The following KCTD14 variants were observed in gnomAD, a reference collection of about 807,000 sequenced individuals.
KCTD14 encodes the protein potassium channel tetramerization domain containing 14, also known as BTB/POZ domain-containing protein KCTD14.
KCTD14 carries 7 observed loss-of-function variants against 5.9 expected under a neutral mutation model. The ratio of observed to expected loss-of-function variants is 1.19; its 90% CI spans 0.68 to 2.23. The LOEUF (loss-of-function observed/expected upper bound fraction) is 2.23, where lower values mean the gene tolerates loss of function less well. KCTD14 is among the 30% of genes most tolerant of loss of function. The pLI, the probability that KCTD14 is intolerant of heterozygous loss-of-function variation, is 0.00. For synonymous variants in KCTD14, 140 were observed against 133.1 expected (o/e 1.05, Z -0.36); for missense variants, 342 against 332.2 (o/e 1.03, Z -0.23).
chr11:78,039,327 G>A (rs1220085145), intron 1 of KCTD14, among the ~76,000 whole-genome samples: 2 of 151,110 alleles, frequency 1.3e-5, no homozygotes, highest in African/African-American at 4.9e-5. Flanking sequence ...GACCAGCCTG[G>A]AAAATGTGGA....
upstream of KCTD14, among the ~76,000 whole-genome samples, chr11:78,024,665 G>A (rs1408054081): frequency 1.3e-5 from 2 of 151,840 alleles, no homozygotes; most frequent in Non-Finnish European, 2.9e-5. Context: ...ACGGAATAGG[G>A]TTGGACACGG....
rs9783329 is a variant in KCTD14 at position 78,038,809 on chromosome 11, G to A, written c.-95-51C>T. 4,693 of 1,532,516 alleles carry A rather than the reference G, an allele frequency of 3.1e-3. 124 individuals carry two copies. In the African/African-American group the frequency reaches 0.056, roughly 18 times the overall value. The allele number at this position is 1,532,516 out of a possible 1,614,324, so 94.9% of individuals were successfully genotyped here. The stretch of plus-strand genomic sequence containing the variant: ...AAGACTATCAGTGTTCACAAAGGAC[G>A]AGGACCAGGAGTTCAGAGGGCCCAG... On this transcript the variant is annotated intron_variant, in intron 1 of 2. Transcript: ENST00000533144.
chr11:78,016,676 A>C lies in KCTD14; in HGVS notation c.685T>G (p.Phe229Val), dbSNP rs1017659715. The change falls in exon 2 of 2, where the codon TTC becomes GTC. Residue 229 changes from phenylalanine to valine, a missense_variant. Phe to Val is a conservative substitution (Grantham distance 50). Transcript: ENST00000353172. Reference sequence around the variant, plus strand: ...GGGTACGTCAGGTAGAACTTGGAGAATACCTTGTACCCCTGGGCCTTAATG... The same window carrying C: ...GGGTACGTCAGGTAGAACTTGGAGACTACCTTGTACCCCTGGGCCTTAATG... ...MDIKAQGYKV[F>V]SKFYLTYPTK... 6.2e-7 allele frequency: 1 copy of C among 1,614,086 alleles called. No homozygotes were observed. Among genetic ancestry groups the C allele is most frequent in the Non-Finnish European group, 8.5e-7 (1 of 1,180,040 alleles).
upstream of KCTD14, among the ~76,000 whole-genome samples, chr11:78,025,574 T>C (rs1462965606): frequency 2.0e-5 from 3 of 152,198 alleles, no homozygotes; most frequent in African/African-American, 7.2e-5. Context: ...TTGCTTATGT[T>C]TGCAAATCCA....
At chr11:78,032,613 G>T (rs916367862) in intron 2 of KCTD14, among the ~76,000 whole-genome samples, 19 of 132,000 alleles carry the variant, frequency 1.4e-4, no homozygotes, top group Non-Finnish European at 2.4e-4. Flanking sequence ...TCCACACCCT[G>T]CCCTTCCAGG....
chr11:78,037,328 T>C (rs1219883249), intron 2 of KCTD14, among the ~76,000 whole-genome samples: 2 of 152,224 alleles, frequency 1.3e-5, no homozygotes, highest in African/African-American at 2.4e-5. Context: ...CCACCTATTC[T>C]GTGACCTCCA....
At chr11:78,034,524 GTTTC>G (rs150897863) in intron 2 of KCTD14, among the ~76,000 whole-genome samples, 3,532 of 151,862 alleles carry the variant, frequency 0.023, 121 homozygotes, top group African/African-American at 0.077. Context: ...CTGTATGGGT[GTTTC>G]TTTCTTTCTT....
rs141824379 is a variant in KCTD14 at position 78,017,144 on chromosome 11, C to A, written c.217G>T (p.Ala73Ser). ...FSSLAKASTD[A>S]EGRFFIDRPS... is the part of the protein sequence containing the mutation. ...CGGTCGATGAAGAAGCGGCCCTCCG[C>A]GTCCGTGGAGGCCTTGGCTAAGCTA... The change falls in exon 2 of 2, where the codon GCG becomes TCG. Residue 73 changes from alanine (A) to serine (S), a missense_variant. Physicochemically the swap from Ala to Ser is moderately conservative, Grantham distance 99. Transcript: ENST00000353172. The A allele has an allele frequency of 1.2e-5, 20 of 1,614,052 alleles. No individual in the cohort carries two copies. The highest frequency in any genetic ancestry group is 2.7e-5 in the African/African-American group (2 of 74,918).
intron 1 of KCTD14, among the ~76,000 whole-genome samples, chr11:78,043,277 C>T (rs1304844437): frequency 2.0e-5 from 3 of 152,128 alleles, no homozygotes; most frequent in Non-Finnish European, 4.4e-5. Flanking sequence ...GTATTATCCA[C>T]AAAATAGGAA....
At chr11:78,040,831 G>T (rs190396696) in intron 1 of KCTD14, among the ~76,000 whole-genome samples, 7 of 151,870 alleles carry the variant, frequency 4.6e-5, no homozygotes, top group African/African-American at 1.7e-4. Context: ...CACCACGCCC[G>T]GCTGATTTTT....
At chr11:78,031,772 A>T (rs1591187453) in intron 2 of KCTD14, among the ~76,000 whole-genome samples, 1 of 152,174 alleles carries the variant, frequency 6.6e-6, no homozygotes, top group East Asian at 1.9e-4. Flanking sequence ...AGAGCAGTGA[A>T]CCAGGGGACA....
intron 2 of KCTD14, among the ~76,000 whole-genome samples, chr11:78,030,206 T>A (rs1002766475): frequency 6.6e-6 from 1 of 152,164 alleles, no homozygotes; most frequent in Non-Finnish European, 1.5e-5. Context: ...TTGCCACCAA[T>A]GCAAAGTAGG....
intron 1 of KCTD14, among the ~76,000 whole-genome samples, chr11:78,044,794 G>A (rs1342627332): frequency 2.0e-5 from 3 of 152,084 alleles, no homozygotes; most frequent in Admixed American, 2.0e-4. Context: ...CTTGGAAGAG[G>A]ACCAAGCAGG....
At chr11:78,042,235 C>T (rs920301213) in intron 1 of KCTD14, among the ~76,000 whole-genome samples, 7 of 152,186 alleles carry the variant, frequency 4.6e-5, no homozygotes, top group South Asian at 2.1e-4. Flanking sequence ...TGGCTGGACA[C>T]GGTGGCTTAC....
intron 2 of KCTD14, among the ~76,000 whole-genome samples, chr11:78,037,520 A>C (rs1207198668): frequency 6.6e-6 from 1 of 152,096 alleles, no homozygotes; most frequent in Non-Finnish European, 1.5e-5. Context: ...AGCCCCCAGA[A>C]CTATACTCAT....
chr11:78,021,132 A>ATC (rs1254665173), intron 1 of KCTD14, among the ~76,000 whole-genome samples: 1 of 151,656 alleles, frequency 6.6e-6, no homozygotes, highest in Non-Finnish European at 1.5e-5. Flanking sequence ...GCAAAACCCT[A>ATC]TCTCTACTAA....
intron 2 of KCTD14, among the ~76,000 whole-genome samples, chr11:78,028,886 C>T (rs1196031454): frequency 6.6e-6 from 1 of 151,922 alleles, no homozygotes; most frequent in Non-Finnish European, 1.5e-5. Context: ...AAGAGACAAA[C>T]CAGGTTATTA....
intron 2 of KCTD14, among the ~76,000 whole-genome samples, chr11:78,037,087 T>A (rs909339662): frequency 1.3e-4 from 20 of 152,210 alleles, no homozygotes; most frequent in African/African-American, 4.6e-4. Flanking sequence ...GCTCATTCCA[T>A]GGTGCCCTCT....
At chr11:78,034,986 G>A (rs898956692) in intron 2 of KCTD14, among the ~76,000 whole-genome samples, 2 of 152,134 alleles carry the variant, frequency 1.3e-5, no homozygotes, top group African/African-American at 4.8e-5. Flanking sequence ...AAGGAACATA[G>A]AACTAAGAGT....
Sources: gnomAD v4.1 joint callset for allele counts (sites outside exome capture counted in the v4.1 genomes callset) on GRCh38, gnomAD v4.1.1 for gene constraint, MANE v1.5 for transcripts, NCBI Gene and HGNC (gene_info 2026-07-23, HGNC 2026-07-21) for gene names.